UGT1A8: variants seen among roughly 807,000 people sequenced by gnomAD.
UGT1A8 encodes UDP glucuronosyltransferase family 1 member A8.
In UGT1A8, 39 loss-of-function variants were observed where a neutral mutation model predicts 45.3. That is an observed-to-expected ratio of 0.86 (90% CI 0.67 to 1.12). UGT1A8 has a LOEUF of 1.12. Ranked by LOEUF, UGT1A8 falls within the 50% of genes most tolerant of loss-of-function variation. The pLI, the probability that UGT1A8 is intolerant of heterozygous loss-of-function variation, is 0.00. For synonymous variants in UGT1A8, 275 were observed against 249.2 expected (o/e 1.10, Z -0.97); for missense variants, 719 against 664.9 (o/e 1.08, Z -0.90).
chr2:233,765,082 C>T (rs2741017), intron 1 of UGT1A8, among the ~76,000 whole-genome samples: 1 of 152,198 alleles, frequency 6.6e-6, no homozygotes, highest in South Asian at 2.1e-4. Context: ...TGTCTCACAT[C>T]TAGGGTGACC....
At chr2:233,640,413 A>T (rs1253320908) in intron 1 of UGT1A8, among the ~76,000 whole-genome samples, 1 of 152,078 alleles carries the variant, frequency 6.6e-6, no homozygotes, top group Non-Finnish European at 1.5e-5. Context: ...AATAAGTAAA[A>T]TTTGTTACAC....
intron 1 of UGT1A8, chr2:233,719,202 T>G (rs764611570): frequency 6.2e-7 from 1 of 1,614,218 alleles, no homozygotes; most frequent in South Asian, 1.1e-5. Flanking sequence ...TCATAGGTGT[T>G]GTGTGGAGCT....
chr2:233,660,503 G>C (rs144736171), intron 1 of UGT1A8, among the ~76,000 whole-genome samples: 3 of 152,270 alleles, frequency 2.0e-5, no homozygotes, highest in African/African-American at 7.2e-5. Flanking sequence ...TGGTTTTCAT[G>C]GAACCAGTTT....
chr2:233,664,283 C>A (rs558779530), intron 1 of UGT1A8, among the ~76,000 whole-genome samples: 1 of 152,310 alleles, frequency 6.6e-6, no homozygotes, highest in Non-Finnish European at 1.5e-5. Context: ...TTCTTCTGAG[C>A]CCTCCAAACT....
intron 1 of UGT1A8, among the ~76,000 whole-genome samples, chr2:233,667,539 C>A (rs113172541): frequency 1.3e-5 from 2 of 152,052 alleles, no homozygotes; most frequent in Non-Finnish European, 2.9e-5. Context: ...AATGGGATCT[C>A]ATTAAACTAA....
intron 1 of UGT1A8, among the ~76,000 whole-genome samples, chr2:233,716,995 G>T (rs1230366985): frequency 6.6e-6 from 1 of 152,142 alleles, no homozygotes; most frequent in Non-Finnish European, 1.5e-5. Flanking sequence ...GCTGTCCTCA[G>T]GGCCCCTATG....
intron 1 of UGT1A8, among the ~76,000 whole-genome samples, chr2:233,751,671 A>C (rs1207862608): frequency 1.3e-5 from 2 of 152,074 alleles, no homozygotes; most frequent in Non-Finnish European, 2.9e-5. Context: ...GTGAGTTCTA[A>C]TGAGAGCTGA....
At chr2:233,697,192 T>C (rs1038681762) in intron 1 of UGT1A8, among the ~76,000 whole-genome samples, 1 of 152,136 alleles carries the variant, frequency 6.6e-6, no homozygotes, top group Non-Finnish European at 1.5e-5. Context: ...AATTCAGCAG[T>C]GAATCCATCT....
chr2:233,735,208 T>C (rs1197807314), intron 1 of UGT1A8, among the ~76,000 whole-genome samples: 1 of 152,228 alleles, frequency 6.6e-6, no homozygotes, highest in Non-Finnish European at 1.5e-5. Flanking sequence ...CTGTATTGGG[T>C]GCATATATAT....
intron 1 of UGT1A8, among the ~76,000 whole-genome samples, chr2:233,744,958 A>C (rs996624362): frequency 2.6e-5 from 4 of 151,980 alleles, no homozygotes; most frequent in African/African-American, 4.9e-5. Context: ...ATAACCTACC[A>C]ATATCCTTCT....
intron 1 of UGT1A8, among the ~76,000 whole-genome samples, chr2:233,640,129 A>C (rs1183915423): frequency 3.3e-5 from 5 of 152,216 alleles, no homozygotes; most frequent in Admixed American, 3.3e-4. Flanking sequence ...TCCAAATTCA[A>C]AGTTAACTTT....
chr2:233,739,520 T>C (rs1227951212), intron 1 of UGT1A8, among the ~76,000 whole-genome samples: 1 of 152,250 alleles, frequency 6.6e-6, no homozygotes, highest in Non-Finnish European at 1.5e-5. Flanking sequence ...AGACATGAAG[T>C]CAAGGGAGAT....
chr2:233,747,353 C>A, intron 1 of UGT1A8: 12 of 1,602,858 alleles, frequency 7.5e-6, no homozygotes, highest in Non-Finnish European at 1.0e-5. Flanking sequence ...TGCGGGAGGC[C>A]GTGCGGGAGC....
chr2:233,749,542 G>C (rs531548646), intron 1 of UGT1A8, among the ~76,000 whole-genome samples: 1 of 151,958 alleles, frequency 6.6e-6, no homozygotes, highest in Non-Finnish European at 1.5e-5. Flanking sequence ...GTGTGGTAAA[G>C]AACAGGCTAA....
intron 1 of UGT1A8, among the ~76,000 whole-genome samples, chr2:233,700,712 C>CT (rs1247819378): frequency 6.6e-6 from 1 of 151,478 alleles, no homozygotes; most frequent in African/African-American, 2.4e-5. Context: ...ATGTTTTTTT[C>CT]TTTTTTTAAA....
intron 1 of UGT1A8, chr2:233,692,122 T>C (rs2125550714): frequency 6.6e-6 from 1 of 152,296 alleles, no homozygotes; most frequent in South Asian, 2.1e-4. Context: ...TAATCAATCA[T>C]GCCTACTATG....
At chr2:233,692,282 T>G (rs1389646454) in intron 1 of UGT1A8, 1 of 152,456 alleles carries the variant, frequency 6.6e-6, no homozygotes, top group Non-Finnish European at 1.5e-5. Flanking sequence ...CCTCTGGCTA[T>G]TCATCCGTAT....
At chr2:233,695,415 C>T (rs1344704193) in intron 1 of UGT1A8, among the ~76,000 whole-genome samples, 5 of 144,208 alleles carry the variant, frequency 3.5e-5, no homozygotes, top group African/African-American at 7.6e-5. Context: ...TGAGCTACCG[C>T]GCCCGGCCTT....
At chr2:233,626,141 CTGTT>C (rs954564309) in intron 1 of UGT1A8, among the ~76,000 whole-genome samples, 2 of 151,934 alleles carry the variant, frequency 1.3e-5, no homozygotes, top group Non-Finnish European at 2.9e-5. Flanking sequence ...TAATTACTGT[CTGTT>C]TTTTTCTCTT....
Sources: allele counts gnomAD v4.1 joint callset (sites outside exome capture counted in the v4.1 genomes callset), GRCh38; gene constraint gnomAD v4.1.1; transcripts MANE v1.5; gene names NCBI Gene and HGNC (gene_info 2026-07-23, HGNC 2026-07-21).